The following FOXP2 variants were observed in gnomAD, a reference collection of about 807,000 sequenced individuals.
FOXP2 encodes forkhead box P2.
FOXP2 carries 12 observed loss-of-function variants against 115.8 expected under a neutral mutation model. The ratio of observed to expected loss-of-function variants is 0.10; its 90% CI spans 0.07 to 0.17. The LOEUF (loss-of-function observed/expected upper bound fraction) is 0.17. FOXP2 is among the 10% of genes least tolerant of loss of function. The pLI, the probability that FOXP2 is intolerant of heterozygous loss-of-function variation, is 1.00. For missense variants in FOXP2, 629 were observed against 843.5 expected (o/e 0.75, Z 3.15); for synonymous variants, 328 against 297.7 (o/e 1.10, Z -1.05).
intron 1 of FOXP2, among the ~76,000 whole-genome samples, chr7:114,239,789 A>G (rs917460768): frequency 6.6e-6 from 1 of 152,206 alleles, no homozygotes; most frequent in African/African-American, 2.4e-5. Flanking sequence ...TCTACAAGGA[A>G]CAGTCCTTCT....
At position 114,120,716 on chromosome 7, in the gene FOXP2, G is replaced by GTA. The variant is rs938298546; in HGVS notation, c.-247+32886_-247+32887dup. Reference sequence around the variant, plus strand: ...TATATGTATGTGTGTGTGTGTGTGTGTATATATATGTACACATGAACCAAT... The same window carrying GTA: ...TATATGTATGTGTGTGTGTGTGTGTGTATATATATATGTACACATGAACCAAT... On this transcript the variant is annotated intron_variant, in intron 1 of 19. Transcript: ENST00000635638. Among the ~76,000 whole-genome samples the GTA allele has an allele frequency of 4.2e-4, 63 of 151,618 alleles. No individual in the cohort carries two copies. In the East Asian group the frequency reaches 0.011, roughly 26 times the overall value.
intron 2 of FOXP2, among the ~76,000 whole-genome samples, chr7:114,319,437 A>C (rs1797357255): frequency 6.6e-6 from 1 of 152,230 alleles, no homozygotes; most frequent in South Asian, 2.1e-4. Flanking sequence ...GGCAATTTAC[A>C]GAAGAAAGAG....
chr7:114,579,513 T>C (rs1171259311), intron 3 of FOXP2, among the ~76,000 whole-genome samples: 1 of 152,164 alleles, frequency 6.6e-6, no homozygotes, highest in Non-Finnish European at 1.5e-5. Context: ...GGCTCTTTTC[T>C]TTCCCTACCT....
intron 1 of FOXP2, among the ~76,000 whole-genome samples, chr7:114,234,633 A>G (rs1041734343): frequency 1.1e-4 from 17 of 152,228 alleles, no homozygotes; most frequent in African/African-American, 3.1e-4. Flanking sequence ...GAAAGATGAA[A>G]CAGCCAAGGC....
chr7:114,283,334 T>C (rs1796385689), intron 1 of FOXP2, among the ~76,000 whole-genome samples: 2 of 152,190 alleles, frequency 1.3e-5, no homozygotes. Context: ...CATCAAGAAC[T>C]ATATAACACA....
At chr7:114,484,283 GTA>G (rs1446847214) in intron 2 of FOXP2, among the ~76,000 whole-genome samples, 2 of 151,794 alleles carry the variant, frequency 1.3e-5, no homozygotes, top group Non-Finnish European at 3.0e-5. Flanking sequence ...GTGTATTTGT[GTA>G]TGTGTATTTT....
At chr7:114,207,248 T>C (rs983588006) in intron 1 of FOXP2, among the ~76,000 whole-genome samples, 2 of 152,226 alleles carry the variant, frequency 1.3e-5, no homozygotes, top group Non-Finnish European at 2.9e-5. Flanking sequence ...TTTTGGCTTA[T>C]GAATAATGCT....
chr7:114,241,960 A>G (rs748214674), intron 1 of FOXP2, among the ~76,000 whole-genome samples: 6 of 149,810 alleles, frequency 4.0e-5, no homozygotes, highest in Admixed American at 6.7e-5. Context: ...ACAAGATAAA[A>G]ATTTTGTCTT....
At chr7:114,421,610 A>G (rs898937516) in intron 1 of FOXP2, among the ~76,000 whole-genome samples, 2 of 151,674 alleles carry the variant, frequency 1.3e-5, no homozygotes, top group Non-Finnish European at 3.0e-5. Flanking sequence ...AATTTACTTA[A>G]AATTATGTCA....
intron 3 of FOXP2, among the ~76,000 whole-genome samples, chr7:114,578,822 G>A (rs368294933): frequency 6.6e-6 from 1 of 152,038 alleles, no homozygotes; most frequent in African/African-American, 2.4e-5. Context: ...AAAATTTAAG[G>A]TTCCTCAGTG....
chr7:114,179,807 T>C (rs542020967), intron 1 of FOXP2, among the ~76,000 whole-genome samples: 1 of 152,178 alleles, frequency 6.6e-6, no homozygotes, highest in South Asian at 2.1e-4. Context: ...TAGTGAGTTC[T>C]TATTTATCTT....
intron 1 of FOXP2, among the ~76,000 whole-genome samples, chr7:114,135,399 G>A (rs1250702321): frequency 2.0e-5 from 3 of 151,984 alleles, no homozygotes; most frequent in Non-Finnish European, 2.9e-5. Context: ...AACTAAAGGT[G>A]CTATTTTCAT....
chr7:114,330,036 T>G (rs1048528127), intron 2 of FOXP2, among the ~76,000 whole-genome samples: 1 of 152,186 alleles, frequency 6.6e-6, no homozygotes, highest in African/African-American at 2.4e-5. Context: ...TCATTTTCAG[T>G]TTACCTAATT....
chr7:114,240,087 A>C (rs751969026), intron 1 of FOXP2, among the ~76,000 whole-genome samples: 1 of 152,128 alleles, frequency 6.6e-6, no homozygotes, highest in East Asian at 1.9e-4. Context: ...TAAAATATTC[A>C]CGTGATCAAG....
intron 1 of FOXP2, among the ~76,000 whole-genome samples, chr7:114,280,226 T>C (rs1040831337): frequency 6.6e-5 from 10 of 152,114 alleles, no homozygotes; most frequent in Admixed American, 5.2e-4. Context: ...AAGTCCAGTC[T>C]GTTCTAACCT....
intron 6 of FOXP2, among the ~76,000 whole-genome samples, chr7:114,634,292 G>A (rs555611576): frequency 1.3e-5 from 2 of 152,108 alleles, no homozygotes; most frequent in Admixed American, 6.5e-5. Flanking sequence ...CACTGTGCTC[G>A]ACCTAAAACT....
intron 7 of FOXP2, among the ~76,000 whole-genome samples, chr7:114,642,962 C>T (rs1368474756): frequency 6.6e-6 from 1 of 150,812 alleles, no homozygotes; most frequent in African/African-American, 2.4e-5. Flanking sequence ...GCGCCCGCCC[C>T]CACGCCTGGC....
chr7:114,199,605 T>A (rs1172765141), intron 1 of FOXP2, among the ~76,000 whole-genome samples: 1 of 152,186 alleles, frequency 6.6e-6, no homozygotes, highest in Non-Finnish European at 1.5e-5. Flanking sequence ...ACTCATATGG[T>A]TATCACATCT....
intron 2 of FOXP2, among the ~76,000 whole-genome samples, chr7:114,505,941 A>G (rs1797796620): frequency 6.6e-6 from 1 of 151,608 alleles, no homozygotes. Flanking sequence ...TTTCTTGAAC[A>G]TGTCTTTATA....
Sources: allele counts gnomAD v4.1 joint callset (sites outside exome capture counted in the v4.1 genomes callset), GRCh38; gene constraint gnomAD v4.1.1; transcripts MANE v1.5; gene names NCBI Gene and HGNC (gene_info 2026-07-23, HGNC 2026-07-21).